CRACR2A: variants seen among roughly 807,000 people sequenced by gnomAD.
The protein encoded by CRACR2A is calcium release activated channel regulator 2A.
In CRACR2A, 79 loss-of-function variants were observed where a neutral mutation model predicts 90.5. The ratio of observed to expected loss-of-function variants is 0.87; its 90% CI spans 0.73 to 1.05. The LOEUF is 1.05. Ranked by LOEUF, CRACR2A falls within the 50% of genes least tolerant of loss-of-function variation. The pLI, the probability that CRACR2A is intolerant of heterozygous loss-of-function variation, is 0.00. For synonymous variants in CRACR2A, 338 were observed against 356.7 expected (o/e 0.95, Z 0.59); for missense variants, 823 against 897.2 (o/e 0.92, Z 1.06).
At chr12:3,742,598 G>A (rs73033660) in intron 1 of CRACR2A, among the ~76,000 whole-genome samples, 5,226 of 152,310 alleles carry the variant, frequency 0.034, 110 homozygotes, top group Middle Eastern at 0.061. Context: ...AGGCCAGCAG[G>A]AGGAGAGTGT....
At chr12:3,701,663 A>G (rs1945836100) in intron 3 of CRACR2A, among the ~76,000 whole-genome samples, 1 of 152,176 alleles carries the variant, frequency 6.6e-6, no homozygotes, top group Admixed American at 6.5e-5. Context: ...AAAGAAATTG[A>G]CCTGATAGTT....
chr12:3,687,313 T>A (rs898880180), intron 4 of CRACR2A, among the ~76,000 whole-genome samples: 1 of 152,030 alleles, frequency 6.6e-6, no homozygotes, highest in Non-Finnish European at 1.5e-5. Flanking sequence ...CTAGTACCCA[T>A]TAGTTATTTT....
At chr12:3,699,844 A>C (rs963434704) in intron 3 of CRACR2A, among the ~76,000 whole-genome samples, 4 of 152,190 alleles carry the variant, frequency 2.6e-5, no homozygotes, top group African/African-American at 9.7e-5. Context: ...CTTTTGCTGA[A>C]GTCTTCAGAG....
chr12:3,620,862 T>C (rs376539026), intron 17 of CRACR2A, among the ~76,000 whole-genome samples: 5 of 152,376 alleles, frequency 3.3e-5, no homozygotes, highest in African/African-American at 9.6e-5. Context: ...CTGCAGTTGA[T>C]GTCCTAAGTG....
At chr12:3,630,101 C>T (rs886854379) in intron 15 of CRACR2A, among the ~76,000 whole-genome samples, 1 of 152,156 alleles carries the variant, frequency 6.6e-6, no homozygotes, top group Non-Finnish European at 1.5e-5. Context: ...CTCTCCTCAT[C>T]GGTAGACGGC....
chr12:3,734,445 A>G (rs1946415292), intron 1 of CRACR2A, among the ~76,000 whole-genome samples: 1 of 152,216 alleles, frequency 6.6e-6, no homozygotes, highest in African/African-American at 2.4e-5. Context: ...AACTAAAAAT[A>G]GAACTAGCAT....
chr12:3,637,453 GATCA>G (rs1555106567), intron 14 of CRACR2A, among the ~76,000 whole-genome samples: 1 of 152,116 alleles, frequency 6.6e-6, no homozygotes, highest in Non-Finnish European at 1.5e-5. Context: ...CAAATAATCT[GATCA>G]ATCTTTTCTT....
At chr12:3,662,123 C>T (rs1945049385) in intron 7 of CRACR2A, among the ~76,000 whole-genome samples, 1 of 152,158 alleles carries the variant, frequency 6.6e-6, no homozygotes, top group African/African-American at 2.4e-5. Flanking sequence ...CTCACAAAGG[C>T]TAGGCCTACC....
chr12:3,623,665 G>T (rs564766138), intron 17 of CRACR2A, among the ~76,000 whole-genome samples: 4 of 152,186 alleles, frequency 2.6e-5, no homozygotes, highest in Admixed American at 2.6e-4. Context: ...TGGAAATGCC[G>T]AGTTGGCCGA....
chr12:3,633,676 C>T lies in CRACR2A; in HGVS notation c.1663G>A (p.Ala555Thr), dbSNP rs532818221. 29 of 1,551,742 alleles carry T rather than the reference C, an allele frequency of 1.9e-5. No individual in the cohort carries two copies. The highest frequency in any genetic ancestry group is 6.8e-5 in the African/African-American group (5 of 73,168). Residue 555 changes from alanine to threonine, a missense_variant, in exon 15 of 20, where the codon GCG becomes ACG. Physicochemically the swap from Ala to Thr is moderately conservative, Grantham distance 58. Coordinates refer to ENST00000440314, the MANE Select transcript of CRACR2A (RefSeq NM_001144958.2). The surrounding 1 kb of genome is among the most constrained non-coding windows in gnomAD (Gnocchi z 4.5). ...CTCAGGAAGGATGTCTTCCCCACCGCGGAATTGCCCACGAACACAATCTTG... is the reference window on the plus strand; with the variant it reads ...CTCAGGAAGGATGTCTTCCCCACCGTGGAATTGCCCACGAACACAATCTTG... ...LFKIVFVGNS[A>T]VGKTSFLRRF...
At chr12:3,748,605 C>T (rs1946658483) in intron 1 of CRACR2A, among the ~76,000 whole-genome samples, 1 of 152,110 alleles carries the variant, frequency 6.6e-6, no homozygotes, top group Non-Finnish European at 1.5e-5. Context: ...TCTAGTTGCC[C>T]CAGGCAGATG....
At chr12:3,748,520 T>C (rs1591730607) in intron 1 of CRACR2A, among the ~76,000 whole-genome samples, 2 of 152,206 alleles carry the variant, frequency 1.3e-5, no homozygotes, top group Middle Eastern at 6.8e-3. Context: ...GAAGAATCTG[T>C]CACAAAAGAA....
intron 13 of CRACR2A, 91 bp downstream of exon 13, chr12:3,641,641 C>T (rs1196806703): frequency 4.3e-6 from 5 of 1,163,934 alleles, no homozygotes; most frequent in Non-Finnish European, 6.2e-6. Flanking sequence ...CCGCACCTCT[C>T]AAGGGGTCAG....
Position 3,627,416 on chromosome 12 carries a change from T to C in CRACR2A, c.1932+20A>G. The C allele has an allele frequency of 6.5e-7, 1 of 1,539,088 alleles. No homozygotes were observed. The highest frequency in any genetic ancestry group is 8.8e-7 in the Non-Finnish European group (1 of 1,135,772). ...AGCCACAGTCAAGCCTAAATGCTCCTAGGAAGGTCGCCAGCTCACCTCCAC... is the reference window on the plus strand; with the variant it reads ...AGCCACAGTCAAGCCTAAATGCTCCCAGGAAGGTCGCCAGCTCACCTCCAC... On this transcript the variant is annotated intron_variant, in intron 17 of 19. Coordinates refer to ENST00000440314, the MANE Select transcript of CRACR2A (RefSeq NM_001144958.2).
intron 13 of CRACR2A, chr12:3,640,645 T>C (rs1285594615): frequency 7.7e-7 from 1 of 1,305,246 alleles, no homozygotes. Flanking sequence ...GCCCAAAGGT[T>C]TTACTGATGA....
chr12:3,684,963 A>G (rs75879017), intron 4 of CRACR2A, among the ~76,000 whole-genome samples: 5 of 152,360 alleles, frequency 3.3e-5, no homozygotes, highest in East Asian at 1.9e-4. Context: ...CAGGGCGGAC[A>G]GTGTGAGAAA....
intron 4 of CRACR2A, among the ~76,000 whole-genome samples, chr12:3,695,924 C>A (rs2137696818): frequency 6.6e-6 from 1 of 152,352 alleles, no homozygotes; most frequent in South Asian, 2.1e-4. Context: ...CAGGAGTGGG[C>A]AAACTCTGCC....
At chr12:3,719,712 A>G (rs958017545) in intron 2 of CRACR2A, among the ~76,000 whole-genome samples, 4 of 152,200 alleles carry the variant, frequency 2.6e-5, no homozygotes, top group Admixed American at 2.6e-4. Flanking sequence ...AATAACAAAA[A>G]TCCTGCCATA....
At chr12:3,691,876 T>C (rs1468627917) in intron 4 of CRACR2A, among the ~76,000 whole-genome samples, 1 of 152,246 alleles carries the variant, frequency 6.6e-6, no homozygotes, top group African/African-American at 2.4e-5. Flanking sequence ...CTTGTCTGAC[T>C]GTCTTATTTC....
Sources: allele counts gnomAD v4.1 joint callset (sites outside exome capture counted in the v4.1 genomes callset), GRCh38; gene constraint gnomAD v4.1.1; non-coding constraint Gnocchi (gnomAD v3.1); transcripts MANE v1.5; gene names NCBI Gene and HGNC (gene_info 2026-07-23, HGNC 2026-07-21).